TBC1D22A: variants seen among roughly 807,000 people sequenced by gnomAD.
TBC1D22A encodes the protein TBC1 domain family member 22A.
In TBC1D22A, 38 loss-of-function variants were observed where a neutral mutation model predicts 60.2. The ratio of observed to expected loss-of-function variants is 0.63; its 90% confidence interval spans 0.49 to 0.83. TBC1D22A has a LOEUF of 0.83. Among genes scored for constraint, TBC1D22A ranks in the 40% least tolerant of loss-of-function variants. The probability of loss-of-function intolerance (pLI) is 0.00; values close to 1 mark genes in which losing one functional copy is unlikely to be tolerated. For synonymous variants in TBC1D22A, 302 were observed against 281.7 expected (o/e 1.07, Z -0.72); for missense variants, 628 against 701.0 (o/e 0.90, Z 1.18).
At chr22:46,944,710 T>C (rs1425848809) in intron 8 of TBC1D22A, among the ~76,000 whole-genome samples, 1 of 152,252 alleles carries the variant, frequency 6.6e-6, no homozygotes, top group African/African-American at 2.4e-5. Context: ...TACTCCATTT[T>C]TTAAAAAATA....
At chr22:46,915,385 TC>T in intron 8 of TBC1D22A, 1 of 456,642 alleles carries the variant, frequency 2.2e-6, no homozygotes, top group Non-Finnish European at 4.4e-6. Context: ...GATTGACTGT[TC>T]CTTCAGAGAA....
At chr22:47,064,706 C>A (rs1032667128) in intron 11 of TBC1D22A, among the ~76,000 whole-genome samples, 1 of 152,204 alleles carries the variant, frequency 6.6e-6, no homozygotes, top group African/African-American at 2.4e-5. Context: ...ATCCTAGGGG[C>A]ATCTGGGTAT....
At chr22:46,804,311 C>T (rs964013672) in intron 4 of TBC1D22A, among the ~76,000 whole-genome samples, 18 of 152,206 alleles carry the variant, frequency 1.2e-4, no homozygotes, top group African/African-American at 2.4e-4. Flanking sequence ...TCATCATTAA[C>T]GGAAATGTTA....
chr22:47,090,331 C>T (rs978330910), intron 11 of TBC1D22A, among the ~76,000 whole-genome samples: 37 of 152,184 alleles, frequency 2.4e-4, no homozygotes, highest in Admixed American at 3.9e-4. Flanking sequence ...GCCCAGGGAG[C>T]GCTCAGACAG....
rs140878336 is a variant in TBC1D22A, at chr22:46,941,790, G to C, written c.1015+29602G>C. On this transcript the variant is annotated intron_variant, in intron 8 of 12. Transcript: ENST00000337137. ...GGAATATGTATACGGAATATATATA[G>C]AATATATAGAATATATATAGAATAT... is the stretch of plus-strand genomic sequence containing the variant. Among the ~76,000 whole-genome samples, 428 of 124,620 alleles carry C rather than the reference G, an allele frequency of 3.4e-3. 5 individuals carry two copies. The highest frequency in any genetic ancestry group is 4.2e-3 in the Middle Eastern group (1 of 240). 81.8% of individuals were successfully genotyped at this position (124,620 alleles called of 152,430 possible). A position where few individuals can be genotyped will look rare whatever the true frequency, so the allele number is the denominator to read the frequency against.
At chr22:47,157,749 A>G (rs1381966079) in intron 12 of TBC1D22A, among the ~76,000 whole-genome samples, 1 of 152,066 alleles carries the variant, frequency 6.6e-6, no homozygotes, top group African/African-American at 2.4e-5. Flanking sequence ...TCTCTTCCCA[A>G]GGGCTGGGTA....
rs757933312 is a variant in TBC1D22A at position 46,989,583 on chromosome 22, G to A, written c.1126-8051G>A. 3.3e-5 allele frequency among the ~76,000 whole-genome samples: 5 copies of A among 152,048 alleles called. No individual in the cohort carries two copies. The South Asian group carries it at 8.3e-4, about 25-fold the overall frequency. ...GAGAGATGGGGAACTGCCGGTCAGC[G>A]GGGCAGTTGGAACACACACAAAACA... On this transcript the variant is annotated intron_variant, in intron 9 of 12. Coordinates refer to ENST00000337137, the MANE Select transcript of TBC1D22A (RefSeq NM_014346.5).
intron 10 of TBC1D22A, among the ~76,000 whole-genome samples, chr22:47,024,055 G>A (rs1286802429): frequency 6.6e-6 from 1 of 152,226 alleles, no homozygotes; most frequent in Admixed American, 6.5e-5. Flanking sequence ...GAAGATGACA[G>A]GAGCGTAGGC....
chr22:46,786,227 A>G (rs921655845), intron 1 of TBC1D22A, among the ~76,000 whole-genome samples: 16 of 152,192 alleles, frequency 1.1e-4, no homozygotes, highest in Non-Finnish European at 4.4e-5. Context: ...ATGAATGAGT[A>G]TTGAATTTTA....
chr22:46,786,752 C>T lies in TBC1D22A; in HGVS notation c.63-5768C>T, dbSNP rs1376588641. 3.9e-5 allele frequency among the ~76,000 whole-genome samples: 6 copies of T among 152,004 alleles called. 1 individual carries two copies. In the South Asian group the frequency reaches 6.2e-4, roughly 16 times the overall value. On this transcript the variant is annotated intron_variant, in intron 1 of 12. Coordinates refer to ENST00000337137, the MANE Select transcript of TBC1D22A (RefSeq NM_014346.5). ...TGCCCACACTTAAGCGCAGTAGTGC[C>T]GTCATAGGTCACTGTAACCTCAAAT... is the stretch of plus-strand genomic sequence containing the variant.
rs1191556787 is a variant in TBC1D22A at position 46,998,463 on chromosome 22, G to A, written c.1201+754G>A. Among the ~76,000 whole-genome samples, 10 of 152,328 alleles carry A rather than the reference G, an allele frequency of 6.6e-5. No individual in the cohort carries two copies. In the East Asian group the frequency reaches 9.6e-4, roughly 15 times the overall value. ...TGCTCTTTCACAAAGAGTCCCATGC[G>A]CGCTTGGCAAATTATTTCACAGAAT... On this transcript the variant is annotated intron_variant, in intron 10 of 12. Transcript: ENST00000337137.
rs2069262775 is a variant in TBC1D22A, at chr22:46,904,149, ACC to A, written c.901-7924_901-7923del. Among the ~76,000 whole-genome samples the A allele has an allele frequency of 3.4e-4, 27 of 78,906 alleles. 1 individual carries two copies. The South Asian group carries it at 0.011, about 34-fold the overall frequency. The allele number at this position is 78,906 out of a possible 152,430, so 51.8% of individuals were successfully genotyped here. ...TATCTATCTATCTATCTATCTACCT[ACC>A]TACCTACCTACCTACCTACCTACCA... On this transcript the variant is annotated intron_variant, in intron 7 of 12. Transcript: ENST00000337137.
At chr22:47,165,589 A>T (rs192475423) in intron 12 of TBC1D22A, among the ~76,000 whole-genome samples, 210 of 152,090 alleles carry the variant, frequency 1.4e-3, no homozygotes, top group African/African-American at 5.0e-3. Flanking sequence ...CGACAGTGGT[A>T]TGGGGAATGG....
rs929882580 is a variant in TBC1D22A, at chr22:47,121,528, A to G, written c.1425+9925A>G. Among the ~76,000 whole-genome samples the G allele has an allele frequency of 3.9e-5, 6 of 152,300 alleles. 1 individual carries two copies. The South Asian group carries it at 1.0e-3, about 26-fold the overall frequency. On this transcript the variant is annotated intron_variant, in intron 12 of 12. Transcript: ENST00000337137. ...GAGCAAATGTTTTCATTGCGTTTCT[A>G]TGTGGAGGAAAAGCATGACCTGAAA...
In TBC1D22A at chr22:46,990,096, G is replaced by A. The variant is rs1049119371; in HGVS notation, c.1126-7538G>A. Among the ~76,000 whole-genome samples, 6 of 152,150 alleles carry A rather than the reference G, an allele frequency of 3.9e-5. No individual in the cohort carries two copies. The highest frequency in any genetic ancestry group is 1.3e-4 in the Admixed American group (2 of 15,274). Reference sequence around the variant, plus strand: ...TGGGATTACAGATGTGCGCCACCGCGCCCGGCCGCAAAATGTAAGTTTTAT... The same window carrying A: ...TGGGATTACAGATGTGCGCCACCGCACCCGGCCGCAAAATGTAAGTTTTAT... On this transcript the variant is annotated intron_variant, in intron 9 of 12. Coordinates refer to ENST00000337137, the MANE Select transcript of TBC1D22A (RefSeq NM_014346.5). This position sits in a 1 kb window ranked among gnomAD's most constrained non-coding sequence, Gnocchi z 4.6.
At chr22:46,782,304 C>T (rs62233783) in intron 1 of TBC1D22A, among the ~76,000 whole-genome samples, 8,714 of 152,270 alleles carry the variant, frequency 0.057, 323 homozygotes, top group South Asian at 0.17. Context: ...CTGCCTGCCT[C>T]GGCCTCTCAA....
intron 4 of TBC1D22A, among the ~76,000 whole-genome samples, chr22:46,860,644 G>A (rs1471830373): frequency 2.6e-5 from 4 of 151,966 alleles, no homozygotes; most frequent in Admixed American, 1.3e-4. Flanking sequence ...GCCCCTTCCC[G>A]GAACCAGAAT....
At chr22:46,853,782 G>A (rs2087417747) in intron 4 of TBC1D22A, among the ~76,000 whole-genome samples, 1 of 152,078 alleles carries the variant, frequency 6.6e-6, no homozygotes, top group Non-Finnish European at 1.5e-5. Context: ...TCGAGGCAGG[G>A]CCTCGTCCTC....
intron 1 of TBC1D22A, among the ~76,000 whole-genome samples, chr22:46,774,739 C>T (rs1444361707): frequency 2.0e-5 from 3 of 152,310 alleles, no homozygotes; most frequent in South Asian, 2.1e-4. Flanking sequence ...GGCTTCGGGG[C>T]CCCTGATATT....
Sources: allele counts gnomAD v4.1 joint callset (sites outside exome capture counted in the v4.1 genomes callset), GRCh38; gene constraint gnomAD v4.1.1; non-coding constraint Gnocchi (gnomAD v3.1); transcripts MANE v1.5; gene names NCBI Gene and HGNC (gene_info 2026-07-23, HGNC 2026-07-21).